Variants in POLE2 observed in about 807,000 individuals in gnomAD.
The protein encoded by POLE2 is DNA polymerase epsilon 2, accessory subunit.
A neutral mutation model predicts 79.4 loss-of-function variants in POLE2; 56 were observed. The ratio of observed to expected loss-of-function variants is 0.71; its 90% confidence interval spans 0.57 to 0.88. POLE2 has a LOEUF of 0.88. POLE2 is among the 40% of genes least tolerant of loss of function. POLE2 has a pLI of 0.00. For missense variants in POLE2, 598 were observed against 638.9 expected (o/e 0.94, Z 0.69); for synonymous variants, 212 against 214.0 (o/e 0.99, Z 0.08).
At chr14:49,645,254 C>T (rs1049338840) in intron 18 of POLE2, among the ~76,000 whole-genome samples, 3 of 142,754 alleles carry the variant, frequency 2.1e-5, no homozygotes, top group Non-Finnish European at 4.6e-5. Flanking sequence ...TGTATTTCCT[C>T]CAAAACATCA....
chr14:49,659,820 T>TA (rs1044487434), intron 10 of POLE2, among the ~76,000 whole-genome samples: 1 of 152,112 alleles, frequency 6.6e-6, no homozygotes, highest in African/African-American at 2.4e-5. Context: ...CTCCTGGCCT[T>TA]AAGCAACACT....
At chr14:49,667,297 C>A (rs542682890) in intron 6 of POLE2, among the ~76,000 whole-genome samples, 7 of 152,070 alleles carry the variant, frequency 4.6e-5, no homozygotes, top group African/African-American at 1.7e-4. Flanking sequence ...AGTTTATTTA[C>A]AAAGATGAAA....
chr14:49,660,418 C>T (rs1885019488), intron 10 of POLE2, among the ~76,000 whole-genome samples: 1 of 151,982 alleles, frequency 6.6e-6, no homozygotes, highest in Admixed American at 6.6e-5. Context: ...AGTAAAATTA[C>T]AGGTGATTTT....
At chr14:49,670,562 G>C (rs1885813736) in intron 5 of POLE2, among the ~76,000 whole-genome samples, 1 of 152,088 alleles carries the variant, frequency 6.6e-6, no homozygotes, top group Non-Finnish European at 1.5e-5. Context: ...TCAAGGTCTA[G>C]AAAATGAAAG....
chr14:49,648,431 G>T (rs1410481438), intron 17 of POLE2, among the ~76,000 whole-genome samples: 4 of 152,192 alleles, frequency 2.6e-5, no homozygotes, highest in African/African-American at 9.6e-5. Flanking sequence ...TATTCAAATA[G>T]AGCATTAACT....
intron 2 of POLE2, among the ~76,000 whole-genome samples, chr14:49,681,695 A>G (rs1416689390): frequency 6.6e-6 from 1 of 151,736 alleles, no homozygotes; most frequent in African/African-American, 2.4e-5. Flanking sequence ...AATCGCTTGA[A>G]CCCGGGAGGC....
intron 3 of POLE2, among the ~76,000 whole-genome samples, chr14:49,678,920 G>A (rs1204910826): frequency 6.6e-6 from 1 of 152,130 alleles, no homozygotes; most frequent in Admixed American, 6.6e-5. Context: ...GCCTCCCAAA[G>A]TGCTGGGATT....
In POLE2 at chr14:49,650,301, GA is replaced by G; in HGVS notation, c.1460del (p.Phe487SerfsTer11). ...AGAGGCATTCGGTATTTGTCGTAGT[GA>G]AAGGATCATATTTGTCTGCAATGAC... is the stretch of plus-strand genomic sequence containing the variant. The part of the protein sequence containing the change: ...LLVIADKYDP[F>X]TTTNTECLCI... On this transcript the variant is annotated frameshift_variant, in exon 17 of 19. Transcript: ENST00000216367. LOFTEE classifies it high-confidence loss of function. 2 of 1,608,032 alleles carry G rather than the reference GA, an allele frequency of 1.2e-6. No homozygotes were observed. The highest frequency in any genetic ancestry group is 8.5e-7 in the Non-Finnish European group (1 of 1,176,622).
chr14:49,682,384 T>C lies in POLE2; in HGVS notation c.169+1209A>G, dbSNP rs45475496. ...CAGGTACAATGGCTCACGCCTGTAA[T>C]CCCAGCACTTTGGGAGGCCGAGGTG... is the stretch of plus-strand genomic sequence containing the variant. On this transcript the variant is annotated intron_variant, in intron 2 of 18. Coordinates refer to ENST00000216367, the MANE Select transcript of POLE2 (RefSeq NM_002692.4). Among the ~76,000 whole-genome samples, 115 of 148,252 alleles carry C rather than the reference T, an allele frequency of 7.8e-4. 2 individuals are homozygous for C. In the East Asian group the frequency reaches 0.024, roughly 30 times the overall value.
chr14:49,674,669 C>T (rs1327788304), intron 3 of POLE2, among the ~76,000 whole-genome samples: 1 of 151,910 alleles, frequency 6.6e-6, no homozygotes, highest in South Asian at 2.1e-4. Context: ...TGGGTTCAAG[C>T]GATTCTCCTG....
chr14:49,656,349 T>C (rs765988688), intron 10 of POLE2, among the ~76,000 whole-genome samples: 1 of 140,350 alleles, frequency 7.1e-6, no homozygotes, highest in South Asian at 2.2e-4. Flanking sequence ...GTGAGACTCT[T>C]GTCTCAAAAA....
Position 49,666,527 on chromosome 14 carries a change from C to T in POLE2, c.493-114G>A, listed in dbSNP as rs55873112. On this transcript the variant is annotated intron_variant, in intron 6 of 18. Transcript: ENST00000216367. ...CATTTCAGCATTTATAGCTACTTTACAGTAGAAAATCAAATAAAATGGAAA... is the reference window on the plus strand; with the variant it reads ...CATTTCAGCATTTATAGCTACTTTATAGTAGAAAATCAAATAAAATGGAAA... 2.1e-5 allele frequency: 9 copies of T among 438,424 alleles called. No homozygotes were observed. The East Asian group carries it at 3.0e-4, about 14-fold the overall frequency. 27.2% of individuals were successfully genotyped at this position (438,424 alleles called of 1,614,324 possible).
chr14:49,662,975 T>G (rs1174259827), intron 10 of POLE2, among the ~76,000 whole-genome samples: 1 of 152,364 alleles, frequency 6.6e-6, no homozygotes, highest in East Asian at 1.9e-4. Flanking sequence ...AATATAAAAA[T>G]GAGAATTTTA....
intron 3 of POLE2, chr14:49,677,884 C>A: frequency 2.6e-6 from 1 of 379,884 alleles, no homozygotes; most frequent in Non-Finnish European, 4.7e-6. Flanking sequence ...AGCACACTGC[C>A]CAAATCTGAA....
intron 9 of POLE2, 70 bp downstream of exon 9, chr14:49,664,554 CAT>C: frequency 1.0e-6 from 1 of 953,832 alleles, no homozygotes; most frequent in South Asian, 1.4e-5. Context: ...ATCATGTTAA[CAT>C]ATTTTACCCA....
intron 3 of POLE2, among the ~76,000 whole-genome samples, chr14:49,678,169 T>C (rs536077386): frequency 6.6e-6 from 1 of 152,008 alleles, no homozygotes; most frequent in African/African-American, 2.4e-5. Context: ...CCAGCTAATT[T>C]TTGTATTTTT....
At chr14:49,671,319 A>G (rs920029483) in intron 5 of POLE2, among the ~76,000 whole-genome samples, 2 of 152,178 alleles carry the variant, frequency 1.3e-5, no homozygotes, top group African/African-American at 4.8e-5. Context: ...AGTCAGTGAC[A>G]TAAAAGACGT....
chr14:49,664,625 C>A lies in POLE2; in HGVS notation c.682+1G>T. ...GACAGTAACAAAGTATACTGACTTA[C>A]CTTCTGCTAAGACAAAGCATGCCTC... On this transcript the variant is annotated splice_donor_variant, in intron 9 of 18. Coordinates refer to ENST00000216367, the MANE Select transcript of POLE2 (RefSeq NM_002692.4). LOFTEE classifies it high-confidence loss of function. The A allele has an allele frequency of 1.3e-6, 2 of 1,576,580 alleles. No individual in the cohort carries two copies. The highest frequency in any genetic ancestry group is 1.1e-5 in the South Asian group (1 of 90,192).
chr14:49,664,023 T>C (rs1390020079), intron 9 of POLE2, among the ~76,000 whole-genome samples: 1 of 137,222 alleles, frequency 7.3e-6, no homozygotes, highest in Admixed American at 7.8e-5. Context: ...GGTGACAGAG[T>C]GAGACTCCAT....
Sources: allele counts gnomAD v4.1 joint callset (sites outside exome capture counted in the v4.1 genomes callset), GRCh38; gene constraint gnomAD v4.1.1; transcripts MANE v1.5; gene names NCBI Gene and HGNC (gene_info 2026-07-23, HGNC 2026-07-21).